The following MYL1 variants were observed in gnomAD, a reference collection of about 807,000 sequenced individuals.
MYL1 encodes the protein myosin light chain 1.
MYL1 carries 16 observed loss-of-function variants against 21.8 expected under a neutral mutation model. The observed-to-expected ratio is 0.74, with a 90% confidence interval of 0.50 to 1.12. MYL1 has a LOEUF of 1.12. Ranked by LOEUF, MYL1 falls within the 50% of genes most tolerant of loss-of-function variation. The pLI, the probability that MYL1 is intolerant of heterozygous loss-of-function variation, is 0.00. For synonymous variants in MYL1, 99 were observed against 85.2 expected (o/e 1.16, Z -0.89); for missense variants, 246 against 241.0 (o/e 1.02, Z -0.14).
chr2:210,292,162 G>A (rs890796613), intron 5 of MYL1, among the ~76,000 whole-genome samples: 1 of 152,158 alleles, frequency 6.6e-6, no homozygotes, highest in East Asian at 1.9e-4. Context: ...TCCACCTCCC[G>A]GGTTCAAGCG....
intron 1 of MYL1, among the ~76,000 whole-genome samples, chr2:210,305,591 C>A (rs527327322): frequency 6.6e-6 from 1 of 152,132 alleles, no homozygotes; most frequent in South Asian, 2.1e-4. Flanking sequence ...TAGCATATAT[C>A]ATTAGTTGAG....
At position 210,315,099 on chromosome 2, in the gene MYL1, C is replaced by G; in HGVS notation, c.-57G>C. On this transcript the variant is annotated 5_prime_UTR_variant, in exon 1 of 7. Coordinates refer to ENST00000352451, the MANE Select transcript of MYL1 (RefSeq NM_079420.3). ...AAGGAGTTCCTCCAAAAGAACCTGT[C>G]AAAATGATTCTTGGAAGAGGAGTGG... 3 of 1,576,828 alleles carry G rather than the reference C, an allele frequency of 1.9e-6. No homozygotes were observed. In the South Asian group the frequency reaches 3.5e-5, roughly 19 times the overall value.
In MYL1 at chr2:210,294,266, G is replaced by A. The variant is rs370058858; in HGVS notation, c.457C>T (p.Arg153Cys). ...GNGTVMGAEL[R>C]HVLATLGEKM... ...TTACCCAGGGTGGCTAGAACATGGC[G>A]GAGTTCAGCACCCATGACTGTGCCA... The change falls in exon 4 of 7, where the codon CGC becomes TGC. Residue 153 changes from arginine to cysteine, a missense_variant. Physicochemically the swap from Arg to Cys is radical, Grantham distance 180. Transcript: ENST00000352451. 5.3e-5 allele frequency: 86 copies of A among 1,611,690 alleles called. No individual in the cohort carries two copies. The highest frequency in any genetic ancestry group is 1.6e-4 in the Middle Eastern group (1 of 6,068).
Position 210,314,963 on chromosome 2 carries a change from G to GC in MYL1, c.79dup (p.Ala27GlyfsTer13), listed in dbSNP as rs1575708723. 3 of 1,613,274 alleles carry GC rather than the reference G, an allele frequency of 1.9e-6. No individual in the cohort carries two copies. The highest frequency in any genetic ancestry group is 2.5e-6 in the Non-Finnish European group (3 of 1,179,556). ...TTCTTTGGGTTTGGCTGGGGCAGGG[G>GC]CAGGTGCAGGTGCCGGTGCCGGGGC... On this transcript the variant is annotated frameshift_variant, in exon 1 of 7. Coordinates refer to ENST00000352451, the MANE Select transcript of MYL1 (RefSeq NM_079420.3). LOFTEE classifies it high-confidence loss of function.
chr2:210,293,952 T>A, intron 4 of MYL1, 152 bp from the exon 5 acceptor site: 1 of 720,460 alleles, frequency 1.4e-6, no homozygotes, highest in Non-Finnish European at 2.3e-6. Context: ...TATTGTCAAC[T>A]AATTGGTTTT....
At chr2:210,299,286 C>A (rs1374718116) in intron 2 of MYL1, among the ~76,000 whole-genome samples, 2 of 152,064 alleles carry the variant, frequency 1.3e-5, no homozygotes, top group African/African-American at 4.8e-5. Flanking sequence ...TTTCGCTATG[C>A]CTTGTAATTA....
chr2:210,313,573 A>G (rs999295330), intron 1 of MYL1, among the ~76,000 whole-genome samples: 5 of 152,042 alleles, frequency 3.3e-5, no homozygotes, highest in Non-Finnish European at 5.9e-5. Context: ...CTAAATGGAT[A>G]TCCATTAAGA....
chr2:210,312,468 C>A (rs573867133), intron 1 of MYL1, among the ~76,000 whole-genome samples: 1 of 151,704 alleles, frequency 6.6e-6, no homozygotes, highest in African/African-American at 2.4e-5. Flanking sequence ...TTAAAAACAT[C>A]ATAATATAAA....
intron 4 of MYL1, 87 bp downstream of exon 4, chr2:210,294,141 CCCTTTGTAGTCTTTCCT>C: frequency 8.3e-7 from 1 of 1,209,964 alleles, no homozygotes; most frequent in Non-Finnish European, 1.1e-6. Context: ...TTCCCATTTT[CCCTTTGTAGTCTTTCCT>C]CCTATTTTGG....
At chr2:210,306,820 C>A (rs974212817) in intron 1 of MYL1, among the ~76,000 whole-genome samples, 1 of 151,582 alleles carries the variant, frequency 6.6e-6, no homozygotes, top group Non-Finnish European at 1.5e-5. Flanking sequence ...CAGGTTCAAG[C>A]GATTCTTCTG....
At chr2:210,299,764 A>G (rs1690235397) in intron 2 of MYL1, among the ~76,000 whole-genome samples, 1 of 152,136 alleles carries the variant, frequency 6.6e-6, no homozygotes, top group Non-Finnish European at 1.5e-5. Flanking sequence ...GGGAAACCCA[A>G]AAGTACTGCT....
chr2:210,292,656 A>T (rs193191699), intron 5 of MYL1, among the ~76,000 whole-genome samples: 2 of 152,238 alleles, frequency 1.3e-5, no homozygotes, highest in Admixed American at 1.3e-4. Context: ...AAGATTTTCA[A>T]TGCCGTCTGG....
At position 210,293,745 on chromosome 2, in the gene MYL1, G is replaced by A. The variant is rs1249236713; in HGVS notation, c.534C>T (p.Ser178=). ...TACCTTCGTAGTTGATGCAGCCATT[G>A]GAGTCTTCTTGACCTGCCATCAGGG... ...VEALMAGQED[S]NGCINYEAFV... is the part of the protein sequence containing the mutation. The change falls in exon 5 of 7, where the codon TCC becomes TCT. Residue 178 remains serine (S), a synonymous_variant. Coordinates refer to ENST00000352451, the MANE Select transcript of MYL1 (RefSeq NM_079420.3). 1 of 1,613,872 alleles carries A rather than the reference G, an allele frequency of 6.2e-7. No homozygotes were observed. Among genetic ancestry groups the A allele is most frequent in the African/African-American group, 1.3e-5 (1 of 74,914 alleles).
At chr2:210,313,676 T>A (rs1023281548) in intron 1 of MYL1, among the ~76,000 whole-genome samples, 1 of 152,062 alleles carries the variant, frequency 6.6e-6, no homozygotes, top group Non-Finnish European at 1.5e-5. Flanking sequence ...AATTTACTTA[T>A]ACTTTAAACA....
chr2:210,299,404 T>C (rs1690230705), intron 2 of MYL1, among the ~76,000 whole-genome samples: 1 of 152,150 alleles, frequency 6.6e-6, no homozygotes, highest in South Asian at 2.1e-4. Flanking sequence ...TTTTGCAAAA[T>C]TATATTATCA....
intron 1 of MYL1, 178 bp from the exon 2 acceptor site, chr2:210,302,693 T>C (rs1690282191): frequency 6.5e-7 from 1 of 1,539,232 alleles, no homozygotes; most frequent in Non-Finnish European, 8.8e-7. Flanking sequence ...GTAACATGCC[T>C]TGAAGATAAG....
chr2:210,300,059 C>T (rs75676954), intron 2 of MYL1, among the ~76,000 whole-genome samples: 14 of 55,054 alleles, frequency 2.5e-4, no homozygotes, highest in Non-Finnish European at 3.7e-4. Context: ...AGCTAAAAAA[C>T]TTGCTGCAGG....
rs150405381 is a variant in MYL1, at chr2:210,302,650, C to T, written c.133-135G>A. ...GTCAGCCTACTTTTCAGAGTTCAGGCGTAGCTTGGACACTAACAGGTTAAG... is the reference window on the plus strand; with the variant it reads ...GTCAGCCTACTTTTCAGAGTTCAGGTGTAGCTTGGACACTAACAGGTTAAG... On this transcript the variant is annotated intron_variant, in intron 1 of 6. Transcript: ENST00000352451. 3.1e-4 allele frequency: 464 copies of T among 1,490,186 alleles called. 3 individuals are homozygous for T. The South Asian group carries it at 3.8e-3, about 12-fold the overall frequency. The allele number at this position is 1,490,186 out of a possible 1,614,324, so 92.3% of individuals were successfully genotyped here. A position where few individuals can be genotyped will look rare whatever the true frequency, so the allele number is the denominator to read the frequency against.
intron 1 of MYL1, 127 bp from the exon 2 acceptor site, chr2:210,302,642 A>C (rs1690281100): frequency 4.0e-6 from 6 of 1,485,670 alleles, no homozygotes; most frequent in Admixed American, 4.2e-5. Context: ...TACTTTTCAG[A>C]GTTCAGGCGT....
Sources: gnomAD v4.1 joint callset for allele counts (sites outside exome capture counted in the v4.1 genomes callset) on GRCh38, gnomAD v4.1.1 for gene constraint, MANE v1.5 for transcripts, NCBI Gene and HGNC (gene_info 2026-07-23, HGNC 2026-07-21) for gene names.